SEC23A: variants seen among roughly 807,000 people sequenced by gnomAD.
SEC23A encodes protein transport protein Sec23A.
SEC23A carries 56 observed loss-of-function variants against 103.7 expected under a neutral mutation model. That is an observed-to-expected ratio of 0.54 (90% CI 0.44 to 0.67). The LOEUF is 0.67. Ranked by LOEUF, SEC23A falls within the 30% of genes least tolerant of loss-of-function variation. The pLI, the probability that SEC23A is intolerant of heterozygous loss-of-function variation, is 0.00. For missense variants in SEC23A, 784 were observed against 936.4 expected, an observed-to-expected ratio of 0.84 and a Z score of 2.12; for synonymous variants, 281 against 293.0, an observed-to-expected ratio of 0.96 and a Z score of 0.42.
At chr14:39,087,800 T>TAG (rs1243670628) in intron 5 of SEC23A, 1 of 152,204 alleles carries the variant, frequency 6.6e-6, no homozygotes, top group Non-Finnish European at 1.5e-5. Context: ...CAGCAACTCT[T>TAG]TACTAAGAAC....
intron 7 of SEC23A, among the ~76,000 whole-genome samples, chr14:39,080,799 T>C (rs892572915): frequency 1.3e-5 from 2 of 151,778 alleles, no homozygotes; most frequent in African/African-American, 4.8e-5. Context: ...GACAACTTTA[T>C]AGGAAAAAAT....
Position 39,094,422 on chromosome 14 carries a change from ATATATATATATATATATATATTTT to A in SEC23A, c.222-1202_222-1179del, listed in dbSNP as rs1299221188. 5.2e-4 allele frequency among the ~76,000 whole-genome samples: 33 copies of A among 63,496 alleles called. 6 individuals carry two copies. Among genetic ancestry groups the A allele is most frequent in the Middle Eastern group, 9.8e-3 (1 of 102 alleles). 41.7% of individuals were successfully genotyped at this position (63,496 alleles called of 152,430 possible). A position where few individuals can be genotyped will look rare whatever the true frequency, so the allele number is the denominator to read the frequency against. ...CATATATATATATATATATATATAT[ATATATATATATATATATATATTTT>A]TTTTTTTTTTTTTTCCCCTCCTGTA... On this transcript the variant is annotated intron_variant, in intron 2 of 19. Coordinates refer to ENST00000307712, the MANE Select transcript of SEC23A (RefSeq NM_006364.4).
rs199838604 is a variant in SEC23A at position 39,067,267 on chromosome 14, T to C, written c.1133A>G (p.Asn378Ser). The change falls in exon 10 of 20, where the codon AAT becomes AGT. Residue 378 changes from asparagine to serine, a missense_variant. Physicochemically the swap from Asn to Ser is conservative, Grantham distance 46 (BLOSUM62 1). Coordinates refer to ENST00000307712, the MANE Select transcript of SEC23A (RefSeq NM_006364.4). ...AAAAGTTTGTTTGAATAAGGAAGTA[T>C]TGAAAGAATCACCCATTACCATGTA... The part of the protein sequence containing the change: ...GGYMVMGDSF[N>S]TSLFKQTFQR... 3.7e-6 allele frequency: 6 copies of C among 1,613,498 alleles called. No individual in the cohort carries two copies. The highest frequency in any genetic ancestry group is 1.3e-5 in the African/African-American group (1 of 74,884).
intron 1 of SEC23A, among the ~76,000 whole-genome samples, chr14:39,102,308 A>G (rs968417235): frequency 6.6e-6 from 1 of 152,228 alleles, no homozygotes; most frequent in Non-Finnish European, 1.5e-5. Flanking sequence ...AAAACTCAAC[A>G]TGCATTTATA....
intron 7 of SEC23A, among the ~76,000 whole-genome samples, 183 bp downstream of exon 7, chr14:39,085,579 G>A (rs1473441382): frequency 6.6e-6 from 1 of 152,042 alleles, no homozygotes; most frequent in Non-Finnish European, 1.5e-5. Context: ...AGGCAGAACT[G>A]CTTGGTTGGT....
chr14:39,086,890 C>T, intron 6 of SEC23A, 39 bp downstream of exon 6: 2 of 1,218,456 alleles, frequency 1.6e-6, no homozygotes, highest in Non-Finnish European at 2.4e-6. Context: ...TTTAAAATAG[C>T]TACAGAAACG....
At chr14:39,069,430 C>T (rs1886772963) in intron 9 of SEC23A, among the ~76,000 whole-genome samples, 1 of 152,078 alleles carries the variant, frequency 6.6e-6, no homozygotes, top group Non-Finnish European at 1.5e-5. Flanking sequence ...GTTCTCCTTG[C>T]TATTTCTCAA....
chr14:39,056,866 A>G (rs1033782338), intron 13 of SEC23A, among the ~76,000 whole-genome samples: 2 of 152,160 alleles, frequency 1.3e-5, no homozygotes, highest in Non-Finnish European at 2.9e-5. Context: ...AGTAAGTGTA[A>G]AGGCAGCTCT....
intron 14 of SEC23A, among the ~76,000 whole-genome samples, chr14:39,049,861 C>T (rs1885993206): frequency 6.6e-6 from 1 of 151,234 alleles, no homozygotes; most frequent in Non-Finnish European, 1.5e-5. Flanking sequence ...GGCGCGATCT[C>T]GGTTCACTGC....
intron 2 of SEC23A, among the ~76,000 whole-genome samples, chr14:39,094,420 A>T (rs1594486620): frequency 1.6e-5 from 1 of 62,530 alleles, no homozygotes; most frequent in African/African-American, 1.3e-4. Context: ...ATATATATAT[A>T]TATATATATA....
chr14:39,091,022 C>A, intron 5 of SEC23A: 2 of 384,680 alleles, frequency 5.2e-6, no homozygotes, highest in Non-Finnish European at 4.9e-6. Context: ...GCTGCCCCAG[C>A]TGAGGAAAAG....
At position 39,093,219 on chromosome 14, in the gene SEC23A, A is replaced by G; in HGVS notation, c.247T>C (p.Trp83Arg). ...LCQVDYRAKLWACNFCYQRNQ... is the reference protein window; with the variant it reads ...LCQVDYRAKLRACNFCYQRNQ... ...CTTTGGTAACAAAAGTTGCAAGCCC[A>G]AAGTTTTGCTCGATAATCCACTTGA... is the stretch of plus-strand genomic sequence containing the variant. Residue 83 changes from tryptophan to arginine, a missense_variant, in exon 3 of 20, where the codon TGG (tryptophan) becomes CGG (arginine). Physicochemically the swap from Trp to Arg is moderately radical, Grantham distance 101. Around this residue, in one of 2 missense-constraint regions of SEC23A, gnomAD observed 683 missense variants for 774.2 expected, o/e 0.88. Coordinates refer to ENST00000307712, the MANE Select transcript of SEC23A (RefSeq NM_006364.4). The G allele has an allele frequency of 6.2e-7, 1 of 1,612,852 alleles. No individual in the cohort carries two copies. Among genetic ancestry groups the G allele is most frequent in the East Asian group, 2.2e-5 (1 of 44,858 alleles).
rs919977465 is a variant in SEC23A at position 39,059,308 on chromosome 14, A to C, written c.1505+2457T>G. Among the ~76,000 whole-genome samples the C allele has an allele frequency of 8.5e-4, 92 of 107,636 alleles. 1 individual carries two copies. Among genetic ancestry groups the C allele is most frequent in the African/African-American group, 2.2e-3 (63 of 28,302 alleles). 70.6% of individuals were successfully genotyped at this position (107,636 alleles called of 152,430 possible). On this transcript the variant is annotated intron_variant, in intron 13 of 19. Transcript: ENST00000307712. ...AAAAAAAAAAAAAAAAAAAAAAAAA[A>C]AACAACAAGGTGCTCTGATCATTGG...
In SEC23A at chr14:39,091,708, A is replaced by T; in HGVS notation, c.372T>A (p.Gly124=). ...FSSIEYVVLR[G]PQMPLIFLYV... is the part of the protein sequence containing the mutation. ...AGAGGAATATCAAAGGCATCTGAGG[A>T]CCACGCTTTTAAAAAATTCACCAAA... Residue 124 remains glycine, a synonymous_variant, in exon 5 of 20, where the codon GGT becomes GGA. Coordinates refer to ENST00000307712, the MANE Select transcript of SEC23A (RefSeq NM_006364.4). 1 of 1,612,060 alleles carries T rather than the reference A, an allele frequency of 6.2e-7. No homozygotes were observed. The highest frequency in any genetic ancestry group is 2.2e-5 in the East Asian group (1 of 44,830).
intron 2 of SEC23A, chr14:39,094,955 G>A (rs1367826573): frequency 1.4e-6 from 1 of 696,334 alleles, no homozygotes; most frequent in Non-Finnish European, 2.6e-6. Flanking sequence ...AGCTACTACT[G>A]GAAGATGTTC....
At chr14:39,035,582 T>C (rs1885430920) in intron 19 of SEC23A, among the ~76,000 whole-genome samples, 1 of 152,188 alleles carries the variant, frequency 6.6e-6, no homozygotes, top group Admixed American at 6.5e-5. Context: ...CTTCCAAGAT[T>C]ACTTTTTATA....
chr14:39,038,720 G>C (rs1885538135), intron 19 of SEC23A, among the ~76,000 whole-genome samples: 1 of 152,100 alleles, frequency 6.6e-6, no homozygotes, highest in Non-Finnish European at 1.5e-5. Flanking sequence ...ATGATCCCTG[G>C]CCTCTCTTGG....
rs375075813 is a variant in SEC23A at position 39,081,808 on chromosome 14, CAT to C, written c.828+3952_828+3953del. ...ATAGATGCATATTGGAGTATGCAGA[CAT>C]ATATGCACACACATATACTTATGAT... On this transcript the variant is annotated intron_variant, in intron 7 of 19. Transcript: ENST00000307712. 6.2e-3 allele frequency among the ~76,000 whole-genome samples: 936 copies of C among 152,104 alleles called. 13 individuals carry two copies. The highest frequency in any genetic ancestry group is 0.021 in the African/African-American group (891 of 41,466).
At chr14:39,085,468 A>G (rs1173202075) in intron 7 of SEC23A, among the ~76,000 whole-genome samples, 1 of 152,150 alleles carries the variant, frequency 6.6e-6, no homozygotes, top group Admixed American at 6.5e-5. Flanking sequence ...AAGTGGGGGC[A>G]GTCTTGTGGG....
Sources: allele counts gnomAD v4.1 joint callset (sites outside exome capture counted in the v4.1 genomes callset), GRCh38; gene constraint gnomAD v4.1.1; regional missense constraint gnomAD v4.1.1; transcripts MANE v1.5; gene names NCBI Gene and HGNC (gene_info 2026-07-23, HGNC 2026-07-21).